The following GCNA variants were observed in gnomAD, a reference collection of about 807,000 sequenced individuals.
GCNA encodes germ cell nuclear acidic peptidase.
Under a neutral mutation model 38.8 loss-of-function variants are expected in GCNA, and 3 were observed. The ratio of observed to expected loss-of-function variants is 0.08; its 90% CI spans 0.04 to 0.20. The LOEUF is 0.20. Among genes scored for constraint, GCNA ranks in the 10% least tolerant of loss-of-function variants. The pLI is 1.00. For missense variants in GCNA, 446 were observed against 578.6 expected (o/e 0.77, Z 2.35); for synonymous variants, 195 against 240.2 (o/e 0.81, Z 1.74).
intron 2 of GCNA, among the ~76,000 whole-genome samples, chrX:71,591,072 G>A (rs996718994): frequency 8.1e-5 from 9 of 111,384 alleles, no homozygotes; most frequent in African/African-American, 2.9e-4. Context: ...TGTGGACTAC[G>A]TGTCACAATA....
intron 6 of GCNA, among the ~76,000 whole-genome samples, chrX:71,597,003 G>A (rs1489546321): frequency 8.9e-6 from 1 of 112,040 alleles, no homozygotes; most frequent in South Asian, 3.7e-4. Flanking sequence ...AATTGGGCTG[G>A]TGTAATTAAT....
chrX:71,609,650 G>A (rs2040795441), intron 10 of GCNA, among the ~76,000 whole-genome samples: 1 of 112,048 alleles, frequency 8.9e-6, no homozygotes, highest in East Asian at 2.8e-4. Flanking sequence ...GACATAGTAA[G>A]CTCTTATTTT....
chrX:71,608,250 C>T lies in GCNA; in HGVS notation c.1467-723C>T, dbSNP rs147860308. Among the ~76,000 whole-genome samples the T allele has an allele frequency of 6.4e-3, 710 of 111,557 alleles. 2 individuals carry two copies. The highest frequency in any genetic ancestry group is 0.017 in the South Asian group (45 of 2,651). ...GAAGAAGATAGTCTGTCTCTGTGCC[C>T]AATAAAGAGAGAAAAGGAATTTTAT... On this transcript the variant is annotated intron_variant, in intron 9 of 12. Transcript: ENST00000373696.
intron 8 of GCNA, among the ~76,000 whole-genome samples, chrX:71,605,034 A>G (rs908155870): frequency 8.9e-6 from 1 of 112,030 alleles, no homozygotes; most frequent in Non-Finnish European, 1.9e-5. Flanking sequence ...TCTAGAGCCC[A>G]TCTCTACCAA....
At chrX:71,596,271 T>A (rs768968904) in intron 6 of GCNA, among the ~76,000 whole-genome samples, 5 of 112,176 alleles carry the variant, frequency 4.5e-5, no homozygotes, top group Non-Finnish European at 9.4e-5. Context: ...TAGAGCCAAA[T>A]AATGTATAAA....
At chrX:71,583,736 T>G (rs768306067) in intron 2 of GCNA, among the ~76,000 whole-genome samples, 4 of 102,176 alleles carry the variant, frequency 3.9e-5, no homozygotes, top group African/African-American at 1.4e-4. Flanking sequence ...CTTGCTCTAT[T>G]GTCAAGGCTG....
chrX:71,601,535 G>GT (rs374171125), intron 7 of GCNA, among the ~76,000 whole-genome samples: 18 of 107,878 alleles, frequency 1.7e-4, no homozygotes, highest in Non-Finnish European at 2.1e-4. Flanking sequence ...GCATTCATCT[G>GT]TTTTTTTTTG....
chrX:71,597,432 G>T (rs2040679616), intron 6 of GCNA, among the ~76,000 whole-genome samples: 1 of 111,279 alleles, frequency 9.0e-6, no homozygotes, highest in African/African-American at 3.3e-5. Context: ...CTGGCACCCT[G>T]GGTGGTGCAG....
At chrX:71,589,938 ATT>A (rs1157800837) in intron 2 of GCNA, among the ~76,000 whole-genome samples, 1 of 91,943 alleles carries the variant, frequency 1.1e-5, no homozygotes. Flanking sequence ...TCGTTGTTTG[ATT>A]TTTTTTTTTT....
At chrX:71,590,001 C>T (rs1199239563) in intron 2 of GCNA, among the ~76,000 whole-genome samples, 3 of 107,512 alleles carry the variant, frequency 2.8e-5, no homozygotes, top group African/African-American at 1.0e-4. Flanking sequence ...AACTCCTGGG[C>T]TCAAGTAATC....
intron 7 of GCNA, among the ~76,000 whole-genome samples, chrX:71,602,143 A>T (rs1411303985): frequency 8.9e-6 from 1 of 111,836 alleles, no homozygotes; most frequent in Non-Finnish European, 1.9e-5. Flanking sequence ...TTTGGCTAAA[A>T]GCCATTTTAA....
intron 7 of GCNA, among the ~76,000 whole-genome samples, chrX:71,602,765 C>T (rs1403920202): frequency 1.8e-5 from 2 of 111,591 alleles, no homozygotes; most frequent in African/African-American, 3.3e-5. Flanking sequence ...CTTTGCTGTG[C>T]AGAAGCTTTT....
At chrX:71,612,301 A>AG in intron 11 of GCNA, 54 bp from the exon 12 acceptor site, 1 of 823,533 alleles carries the variant, frequency 1.2e-6, no homozygotes, top group South Asian at 3.0e-5. Flanking sequence ...AAAAAAAAAA[A>AG]AAAAAAAGAG....
chrX:71,583,880 G>C (rs991727659), intron 2 of GCNA, among the ~76,000 whole-genome samples: 1 of 98,345 alleles, frequency 1.0e-5, no homozygotes, highest in Middle Eastern at 5.2e-3. Context: ...TTTTTTTTTT[G>C]TATTTTTAGT....
intron 6 of GCNA, among the ~76,000 whole-genome samples, chrX:71,596,610 G>GTTT (rs1456407440): frequency 8.9e-6 from 1 of 112,156 alleles, no homozygotes; most frequent in Non-Finnish European, 1.9e-5. Context: ...GATAGATGGT[G>GTTT]AACAAATGTT....
intron 2 of GCNA, among the ~76,000 whole-genome samples, chrX:71,586,192 A>G: frequency 9.3e-6 from 1 of 107,331 alleles, no homozygotes; most frequent in Non-Finnish European, 1.9e-5. Flanking sequence ...ATGAAAGTCT[A>G]GAAGTGATGG....
intron 1 of GCNA, among the ~76,000 whole-genome samples, chrX:71,579,388 T>G (rs1602163957): frequency 1.3e-4 from 2 of 15,436 alleles, no homozygotes; most frequent in Admixed American, 8.6e-4. Flanking sequence ...GCATTGAAGG[T>G]GGGGGTGCCA....
intron 11 of GCNA, 45 bp from the exon 12 acceptor site, chrX:71,612,310 A>ATT: frequency 2.9e-5 from 13 of 444,816 alleles, no homozygotes; most frequent in Non-Finnish European, 4.5e-5. Context: ...AAAAAAAAAG[A>ATT]GGATTGGTTT....
At chrX:71,602,388 T>C (rs2040722719) in intron 7 of GCNA, among the ~76,000 whole-genome samples, 1 of 111,298 alleles carries the variant, frequency 9.0e-6, no homozygotes, top group South Asian at 3.8e-4. Context: ...GGTTCTGCCA[T>C]GTTGGCCAGG....
Sources: gnomAD v4.1 joint callset for allele counts (sites outside exome capture counted in the v4.1 genomes callset) on GRCh38, gnomAD v4.1.1 for gene constraint, MANE v1.5 for transcripts, NCBI Gene and HGNC (gene_info 2026-07-23, HGNC 2026-07-21) for gene names.